The following TCERG1L variants were observed in gnomAD, a reference collection of about 807,000 sequenced individuals.
The protein encoded by TCERG1L is transcription elongation regulator 1-like protein.
TCERG1L carries 37 observed loss-of-function variants against 56.3 expected under a neutral mutation model. That is an observed-to-expected ratio of 0.66 (90% confidence interval 0.51 to 0.87). The LOEUF (loss-of-function observed/expected upper bound fraction) is 0.87, where lower values mean the gene tolerates loss of function less well. TCERG1L is among the 40% of genes least tolerant of loss of function. The pLI is 0.00. For synonymous variants in TCERG1L, 324 were observed against 326.3 expected, an observed-to-expected ratio of 0.99 and a Z score of 0.08; for missense variants, 799 against 774.2, an observed-to-expected ratio of 1.03 and a Z score of -0.38.
intron 3 of TCERG1L, among the ~76,000 whole-genome samples, chr10:131,306,234 A>G (rs929284097): frequency 1.2e-4 from 19 of 152,182 alleles, no homozygotes; most frequent in Admixed American, 1.3e-4. Flanking sequence ...GTGCATGCCA[A>G]AGTTGGGTAA....
In TCERG1L at chr10:131,118,302, C is replaced by A. The variant is rs975151407; in HGVS notation, c.1260-1368G>T. 2.0e-5 allele frequency among the ~76,000 whole-genome samples: 3 copies of A among 152,230 alleles called. No homozygotes were observed. The highest frequency in any genetic ancestry group is 4.8e-5 in the African/African-American group (2 of 41,456). ...TACATCTAAAGGCATGGGCCTTACC[C>A]GCTCCTTTCAAAACCAGCTCACCCT... On this transcript the variant is annotated intron_variant, in intron 8 of 11. Transcript: ENST00000368642. This position sits in a 1 kb window ranked among gnomAD's most constrained non-coding sequence, Gnocchi z 4.2.
chr10:131,169,884 C>T (rs1167974907), intron 4 of TCERG1L, among the ~76,000 whole-genome samples: 3 of 152,150 alleles, frequency 2.0e-5, no homozygotes, highest in Admixed American at 1.3e-4. Flanking sequence ...AGTTTACTCC[C>T]CATTACCTTG....
intron 6 of TCERG1L, among the ~76,000 whole-genome samples, chr10:131,158,357 G>C (rs1242967205): frequency 6.6e-6 from 1 of 152,246 alleles, no homozygotes; most frequent in Non-Finnish European, 1.5e-5. Flanking sequence ...ACTGTACACA[G>C]GAGATGGAGG....
intron 4 of TCERG1L, among the ~76,000 whole-genome samples, chr10:131,253,745 T>G (rs1377075582): frequency 5.9e-5 from 9 of 151,644 alleles, no homozygotes; most frequent in Admixed American, 3.9e-4. Flanking sequence ...TTGAAGAGGG[T>G]CCTAACCACA....
intron 9 of TCERG1L, among the ~76,000 whole-genome samples, chr10:131,114,150 T>G (rs1845432811): frequency 7.0e-6 from 1 of 142,226 alleles, no homozygotes. Context: ...GGTCCGTCCT[T>G]CATCACTCCA....
chr10:131,093,241 T>A lies in TCERG1L; in HGVS notation c.1682A>T (p.Glu561Val), dbSNP rs1845199976. ...FRLVQKRKDQ[E>V]HFFNQFILIL... is the part of the protein sequence containing the mutation. ...AAGTATGAATTGGTTGAAAAAATGC[T>A]CCTGGTCCTTTCTTTTTTGAACAAG... The change falls in exon 12 of 12, where the codon GAG (glutamate) becomes GTG (valine). Residue 561 changes from glutamate (E) to valine (V), a missense_variant. Transcript: ENST00000368642. 6.2e-7 allele frequency: 1 copy of A among 1,613,866 alleles called. No homozygotes were observed. Among genetic ancestry groups the A allele is most frequent in the Non-Finnish European group, 8.5e-7 (1 of 1,179,864 alleles).
At chr10:131,242,793 T>C (rs1845987694) in intron 4 of TCERG1L, among the ~76,000 whole-genome samples, 1 of 152,204 alleles carries the variant, frequency 6.6e-6, no homozygotes, top group South Asian at 2.1e-4. Context: ...TGCACCTGTG[T>C]CTGTGTGTTT....
In TCERG1L at chr10:131,254,694, G is replaced by A. The variant is rs1455064747; in HGVS notation, c.856+5565C>T. 2.0e-5 allele frequency among the ~76,000 whole-genome samples: 3 copies of A among 152,234 alleles called. No individual in the cohort carries two copies. The East Asian group carries it at 5.8e-4, about 29-fold the overall frequency. On this transcript the variant is annotated intron_variant, in intron 4 of 11. Coordinates refer to ENST00000368642, the MANE Select transcript of TCERG1L (RefSeq NM_174937.4). Reference sequence around the variant, plus strand: ...GTTGGGAGGAGGACGGCAGTGCCGAGGGGCTGGAGAGGAGGCATCAGGCAA... The same window carrying A: ...GTTGGGAGGAGGACGGCAGTGCCGAAGGGCTGGAGAGGAGGCATCAGGCAA...
At chr10:131,214,799 A>C (rs1845652513) in intron 4 of TCERG1L, among the ~76,000 whole-genome samples, 1 of 152,254 alleles carries the variant, frequency 6.6e-6, no homozygotes, top group Non-Finnish European at 1.5e-5. Flanking sequence ...CCATGTGCCC[A>C]CTGAGAAAGA....
intron 3 of TCERG1L, among the ~76,000 whole-genome samples, chr10:131,279,462 A>G (rs80141417): frequency 0.02 from 3,086 of 152,250 alleles, 76 homozygotes; most frequent in East Asian, 0.075. Flanking sequence ...TCATGCCCGG[A>G]GTCTCTAGGA....
intron 3 of TCERG1L, among the ~76,000 whole-genome samples, chr10:131,272,178 CCTCCACACACAG>C (rs560616914): frequency 9.9e-5 from 15 of 152,146 alleles, no homozygotes; most frequent in Non-Finnish European, 2.2e-4. Context: ...GTGTCTTGCG[CCTCCACACACAG>C]CTCCACACAC....
intron 11 of TCERG1L, among the ~76,000 whole-genome samples, chr10:131,096,883 CAAA>C (rs35527542): frequency 1.3e-4 from 17 of 134,706 alleles, no homozygotes; most frequent in Admixed American, 1.5e-4. Flanking sequence ...GACTCCATCT[CAAA>C]AAAAAAAAAA....
chr10:131,147,965 C>G (rs1845817814), intron 6 of TCERG1L, among the ~76,000 whole-genome samples: 1 of 152,208 alleles, frequency 6.6e-6, no homozygotes, highest in East Asian at 1.9e-4. Flanking sequence ...GGCTCAGGGC[C>G]TGGGGCCCTG....
At chr10:131,168,540 C>T (rs1024942962) in intron 4 of TCERG1L, among the ~76,000 whole-genome samples, 3 of 152,338 alleles carry the variant, frequency 2.0e-5, no homozygotes, top group South Asian at 2.1e-4. Flanking sequence ...GCAGCCCAGA[C>T]GTGAGCCGGA....
chr10:131,184,144 C>A, intron 4 of TCERG1L, among the ~76,000 whole-genome samples: 1 of 152,212 alleles, frequency 6.6e-6, no homozygotes, highest in East Asian at 1.9e-4. Flanking sequence ...CCTTGCCTTG[C>A]GAAGCCCACA....
intron 9 of TCERG1L, among the ~76,000 whole-genome samples, chr10:131,115,276 T>G (rs1291994188): frequency 6.6e-6 from 1 of 152,088 alleles, no homozygotes; most frequent in Non-Finnish European, 1.5e-5. Flanking sequence ...CTGGAGCCCC[T>G]CGGGGCAGGG....
At chr10:131,302,439 G>C (rs1333033810) in intron 3 of TCERG1L, among the ~76,000 whole-genome samples, 3 of 150,994 alleles carry the variant, frequency 2.0e-5, no homozygotes, top group Admixed American at 2.0e-4. Context: ...CCTGACTCTG[G>C]TATAATATTA....
intron 4 of TCERG1L, among the ~76,000 whole-genome samples, chr10:131,224,008 C>A (rs1351524371): frequency 3.9e-5 from 6 of 152,102 alleles, no homozygotes; most frequent in African/African-American, 1.2e-4. Context: ...CCGCTCCATC[C>A]CACCAGAGCT....
At chr10:131,257,054 A>G (rs142277302) in intron 4 of TCERG1L, among the ~76,000 whole-genome samples, 2,554 of 135,254 alleles carry the variant, frequency 0.019, 48 homozygotes, top group East Asian at 0.058. Flanking sequence ...AGAAAGAAAG[A>G]AAAGAAAGAA....
Sources: allele counts gnomAD v4.1 joint callset (sites outside exome capture counted in the v4.1 genomes callset), GRCh38; gene constraint gnomAD v4.1.1; non-coding constraint Gnocchi (gnomAD v3.1); transcripts MANE v1.5; gene names NCBI Gene and HGNC (gene_info 2026-07-23, HGNC 2026-07-21).